Variants in GRIK2 observed in about 807,000 individuals in gnomAD.
GRIK2 encodes glutamate ionotropic receptor kainate type subunit 2.
Under a neutral mutation model 100.3 loss-of-function variants are expected in GRIK2, and 32 were observed. The observed-to-expected ratio is 0.32, with a 90% CI of 0.24 to 0.43. The LOEUF (loss-of-function observed/expected upper bound fraction) is 0.43. Among genes scored for constraint, GRIK2 ranks in the 20% least tolerant of loss-of-function variants. GRIK2 has a pLI of 1.00. For missense variants in GRIK2, 843 were observed against 1,114.9 expected, an observed-to-expected ratio of 0.76 and a Z score of 3.47; for synonymous variants, 417 against 389.4, an observed-to-expected ratio of 1.07 and a Z score of -0.83.
intron 2 of GRIK2, among the ~76,000 whole-genome samples, chr6:101,442,769 C>G (rs1770150649): frequency 6.6e-6 from 1 of 152,088 alleles, no homozygotes. Context: ...AATGATTGGT[C>G]CCTGCTGGGA....
chr6:101,689,450 G>C (rs1481046739), intron 7 of GRIK2, among the ~76,000 whole-genome samples: 1 of 152,100 alleles, frequency 6.6e-6, no homozygotes, highest in Non-Finnish European at 1.5e-5. Flanking sequence ...ATTCATAAGA[G>C]TTTTTCTAGT....
rs914761905 is a variant in GRIK2 at position 101,794,204 on chromosome 6, T to C, written c.952-5444T>C. Among the ~76,000 whole-genome samples, 3 of 152,150 alleles carry C rather than the reference T, an allele frequency of 2.0e-5. No individual in the cohort carries two copies. In the East Asian group the frequency reaches 5.8e-4, roughly 30 times the overall value. On this transcript the variant is annotated intron_variant, in intron 7 of 16. Coordinates refer to ENST00000369134, the MANE Select transcript of GRIK2 (RefSeq NM_021956.5). ...TCGCCCTGCTTCGGCTCGCGCACAG[T>C]GCACTGCACTGCTGTTCTGTGCCCA...
intron 7 of GRIK2, among the ~76,000 whole-genome samples, chr6:101,760,236 C>A (rs900201544): frequency 4.2e-5 from 6 of 144,178 alleles, no homozygotes; most frequent in Admixed American, 2.2e-4. Flanking sequence ...GATGAAATAC[C>A]TGTGAAAGTT....
intron 10 of GRIK2, among the ~76,000 whole-genome samples, chr6:101,857,877 A>AGTTT: frequency 1.3e-5 from 2 of 152,184 alleles, no homozygotes; most frequent in African/African-American, 4.8e-5. Flanking sequence ...GATCTTGTTC[A>AGTTT]ACCAACTCAC....
rs146509806 is a variant in GRIK2 at position 101,929,838 on chromosome 6, T to C, written c.2085+1206T>C. Among the ~76,000 whole-genome samples the C allele has an allele frequency of 4.4e-4, 67 of 152,288 alleles. No homozygotes were observed. The East Asian group carries it at 8.1e-3, about 18-fold the overall frequency. ...GAATTTCTCATATGACTAGATTAAG[T>C]ATTGGATATGGATTTCACATTTACT... On this transcript the variant is annotated intron_variant, in intron 14 of 16. Transcript: ENST00000369134.
At chr6:101,517,194 AG>A (rs1774629328) in intron 2 of GRIK2, among the ~76,000 whole-genome samples, 2 of 152,146 alleles carry the variant, frequency 1.3e-5, no homozygotes, top group Admixed American at 6.6e-5. Flanking sequence ...TGTGAAGGAC[AG>A]CCAGCATGTT....
At chr6:101,788,040 T>C (rs1197389418) in intron 7 of GRIK2, among the ~76,000 whole-genome samples, 1 of 151,806 alleles carries the variant, frequency 6.6e-6, no homozygotes, top group Non-Finnish European at 1.5e-5. Flanking sequence ...TGTCATTATA[T>C]AATGACCTGG....
intron 10 of GRIK2, among the ~76,000 whole-genome samples, chr6:101,845,380 C>T (rs1418731825): frequency 6.6e-6 from 1 of 152,090 alleles, no homozygotes; most frequent in Non-Finnish European, 1.5e-5. Flanking sequence ...TTTGCGTACT[C>T]TGGATATTTC....
intron 9 of GRIK2, among the ~76,000 whole-genome samples, chr6:101,806,019 T>G (rs1047957971): frequency 6.6e-6 from 1 of 151,994 alleles, no homozygotes; most frequent in Non-Finnish European, 1.5e-5. Context: ...ACAGAAGCCT[T>G]AATTGGAACC....
intron 11 of GRIK2, among the ~76,000 whole-genome samples, chr6:101,875,310 G>T (rs1429792614): frequency 6.6e-6 from 1 of 151,838 alleles, no homozygotes; most frequent in Non-Finnish European, 1.5e-5. Context: ...CTCAATAAGA[G>T]ATCTCTTGTC....
chr6:101,490,386 C>G (rs1205149517), intron 2 of GRIK2, among the ~76,000 whole-genome samples: 3 of 146,460 alleles, frequency 2.0e-5, no homozygotes, highest in African/African-American at 5.2e-5. Flanking sequence ...AGAGTCAAAC[C>G]CTAGGCAGTT....
intron 2 of GRIK2, among the ~76,000 whole-genome samples, chr6:101,404,856 A>G (rs973787265): frequency 3.3e-5 from 5 of 152,152 alleles, no homozygotes; most frequent in Non-Finnish European, 7.4e-5. Context: ...AAGGGAAGGA[A>G]GTAGGTGCAC....
chr6:101,410,902 A>G (rs1775859323), intron 2 of GRIK2, among the ~76,000 whole-genome samples: 1 of 152,072 alleles, frequency 6.6e-6, no homozygotes, highest in African/African-American at 2.4e-5. Context: ...AATCAGTCTC[A>G]AGATTTTTAC....
intron 4 of GRIK2, among the ~76,000 whole-genome samples, chr6:101,629,191 A>G (rs1408813401): frequency 5.3e-5 from 8 of 152,134 alleles, no homozygotes; most frequent in Admixed American, 5.2e-4. Context: ...GTTACTATTT[A>G]AAGGAAACTT....
chr6:102,034,816 G>A (rs1026305220), intron 14 of GRIK2, among the ~76,000 whole-genome samples: 2 of 151,268 alleles, frequency 1.3e-5, no homozygotes, highest in Non-Finnish European at 3.0e-5. Flanking sequence ...CATTCTGCTC[G>A]TCTCTTCAAC....
intron 2 of GRIK2, among the ~76,000 whole-genome samples, chr6:101,474,176 G>C (rs933571560): frequency 8.6e-5 from 13 of 151,792 alleles, no homozygotes; most frequent in Non-Finnish European, 1.9e-4. Context: ...AAAGAACTTT[G>C]ATAATTTAGT....
At chr6:101,846,486 G>T (rs950445929) in intron 10 of GRIK2, among the ~76,000 whole-genome samples, 1 of 151,984 alleles carries the variant, frequency 6.6e-6, no homozygotes, top group South Asian at 2.1e-4. Flanking sequence ...TTCTTTTATT[G>T]TGAAGTCTTT....
chr6:101,809,706 T>C (rs954028976), intron 9 of GRIK2, among the ~76,000 whole-genome samples: 1 of 152,038 alleles, frequency 6.6e-6, no homozygotes, highest in South Asian at 2.1e-4. Flanking sequence ...CAAAAAGTGA[T>C]GTTTGCTTCT....
chr6:101,829,625 G>A (rs908513866), intron 10 of GRIK2, among the ~76,000 whole-genome samples: 2 of 151,726 alleles, frequency 1.3e-5, no homozygotes, highest in African/African-American at 4.8e-5. Flanking sequence ...CCCAAATCAA[G>A]AATGCAATCC....
Sources: gnomAD v4.1 joint callset for allele counts (sites outside exome capture counted in the v4.1 genomes callset) on GRCh38, gnomAD v4.1.1 for gene constraint, MANE v1.5 for transcripts, NCBI Gene and HGNC (gene_info 2026-07-23, HGNC 2026-07-21) for gene names.